Variants in TPCN2 observed in about 807,000 individuals in gnomAD.
TPCN2 encodes the protein two pore segment channel 2.
TPCN2 carries 92 observed loss-of-function variants against 111.4 expected under a neutral mutation model. The observed-to-expected ratio is 0.83, with a 90% CI of 0.70 to 0.98. The LOEUF is 0.98. TPCN2 is among the 50% of genes least tolerant of loss of function. The pLI, the probability that TPCN2 is intolerant of heterozygous loss-of-function variation, is 0.00. For synonymous variants in TPCN2, 405 were observed against 414.5 expected (o/e 0.98, Z 0.28); for missense variants, 995 against 980.1 (o/e 1.02, Z -0.20).
intron 5 of TPCN2, among the ~76,000 whole-genome samples, chr11:69,062,170 C>T (rs11228469): frequency 0.42 from 64,012 of 151,734 alleles, 14,442 homozygotes; most frequent in Non-Finnish European, 0.52. Context: ...CTTTTAAAAA[C>T]CAGATCTCTC....
intron 4 of TPCN2, 34 bp downstream of exon 4, chr11:69,055,386 C>A: frequency 6.4e-7 from 1 of 1,557,720 alleles, no homozygotes; most frequent in Non-Finnish European, 8.6e-7. Flanking sequence ...ACGTGCTGCC[C>A]CGGCCTCCCA....
intron 5 of TPCN2, among the ~76,000 whole-genome samples, chr11:69,058,557 A>G (rs1023807807): frequency 5.9e-5 from 9 of 152,360 alleles, no homozygotes; most frequent in African/African-American, 1.9e-4. Flanking sequence ...TGCAGCTGAT[A>G]GGAACAGCCT....
In TPCN2 at chr11:69,049,117, C is replaced by T. The variant is rs1313189633; in HGVS notation, c.109+11C>T. On this transcript the variant is annotated intron_variant, in intron 1 of 24. Transcript: ENST00000294309. ...TCCAAGTCGGCCCTGGTGAGCCGCC[C>T]GGACCTGGGGAGGGGACTGGCCCGG... 7.3e-6 allele frequency: 9 copies of T among 1,237,260 alleles called. No individual in the cohort carries two copies. Among genetic ancestry groups the T allele is most frequent in the Non-Finnish European group, 9.1e-6 (9 of 984,326 alleles). 76.6% of individuals were successfully genotyped at this position (1,237,260 alleles called of 1,614,324 possible). A position where few individuals can be genotyped will look rare whatever the true frequency, so the allele number is the denominator to read the frequency against.
chr11:69,063,126 G>A (rs776097916), intron 6 of TPCN2, 136 bp downstream of exon 6: 5 of 753,524 alleles, frequency 6.6e-6, no homozygotes, highest in Non-Finnish European at 8.8e-6. Flanking sequence ...TGGTGACGGT[G>A]TGGGGAGGCT....
At chr11:69,079,711 G>A in intron 16 of TPCN2, 123 bp from the exon 17 acceptor site, 2 of 881,770 alleles carry the variant, frequency 2.3e-6, no homozygotes, top group Non-Finnish European at 3.5e-6. Flanking sequence ...ACCAAGCTCT[G>A]ATTTCTCCCC....
At position 69,063,957 on chromosome 11, in the gene TPCN2, C is replaced by G; in HGVS notation, c.716C>G (p.Ala239Gly). 1.2e-6 allele frequency: 2 copies of G among 1,614,094 alleles called. No individual in the cohort carries two copies. Among genetic ancestry groups the G allele is most frequent in the African/African-American group, 1.3e-5 (1 of 75,036 alleles). ...ACCATGTTCGGAATGCTGCTGTTCG[C>G]TGGTGGGAAGGTAGGGCACCCGTGG... ...LFTMFGMLLF[A>G]GGKQDDGQDR... The change falls in exon 7 of 25, where the codon GCT (alanine) becomes GGT (glycine). Residue 239 changes from alanine (A) to glycine (G), a missense_variant. Coordinates refer to ENST00000294309, the MANE Select transcript of TPCN2 (RefSeq NM_139075.4).
chr11:69,055,172 C>T lies in TPCN2; in HGVS notation c.252-3C>T, dbSNP rs991927040. The T allele has an allele frequency of 6.2e-7, 1 of 1,613,712 alleles. No individual in the cohort carries two copies. Among genetic ancestry groups the T allele is most frequent in the Non-Finnish European group, 8.5e-7 (1 of 1,179,824 alleles). ...TGTTTTCATGTTTCTGTCCCCTTTC[C>T]AGGACTTTGAGCTTCACCATCTTCT... On this transcript the variant is annotated splice_polypyrimidine_tract_variant and splice_region_variant and intron_variant, in intron 3 of 24. Transcript: ENST00000294309.
chr11:69,062,586 CAG>C lies in TPCN2; in HGVS notation c.547-297_547-296del, dbSNP rs575582890. On this transcript the variant is annotated intron_variant, in intron 5 of 24. Coordinates refer to ENST00000294309, the MANE Select transcript of TPCN2 (RefSeq NM_139075.4). ...CTTCCAGCTGTGTCCTGGGTGGGCACAGGGGAGGATGGCCTGGGACAGGGACA... is the reference window on the plus strand; with the variant it reads ...CTTCCAGCTGTGTCCTGGGTGGGCACGGGAGGATGGCCTGGGACAGGGACA... Among the ~76,000 whole-genome samples the C allele has an allele frequency of 5.2e-3, 741 of 142,722 alleles. 8 individuals are homozygous for C. The highest frequency in any genetic ancestry group is 0.018 in the African/African-American group (697 of 38,680). The allele number at this position is 142,722 out of a possible 152,430, so 93.6% of individuals were successfully genotyped here. A position where few individuals can be genotyped will look rare whatever the true frequency, so the allele number is the denominator to read the frequency against.
intron 13 of TPCN2, among the ~76,000 whole-genome samples, chr11:69,077,146 C>T (rs1273778066): frequency 7.4e-5 from 10 of 135,490 alleles, no homozygotes; most frequent in East Asian, 2.5e-4. Flanking sequence ...ACCTGCCCTC[C>T]TGCCGTGTCC....
chr11:69,072,813 C>T, intron 12 of TPCN2, 102 bp from the exon 13 acceptor site: 2 of 1,526,542 alleles, frequency 1.3e-6, no homozygotes, highest in South Asian at 1.1e-5. Context: ...TCACCTGCAG[C>T]ATTCACAGCC....
At chr11:69,069,918 A>C (rs1855444521) in intron 8 of TPCN2, among the ~76,000 whole-genome samples, 2 of 152,058 alleles carry the variant, frequency 1.3e-5, no homozygotes, top group Non-Finnish European at 2.9e-5. Context: ...CCCGTCCTGG[A>C]GGGTGTGCGA....
chr11:69,082,295 C>T (rs1460607868), intron 18 of TPCN2, among the ~76,000 whole-genome samples: 4 of 152,244 alleles, frequency 2.6e-5, no homozygotes, highest in African/African-American at 9.6e-5. Flanking sequence ...TGATCTCACA[C>T]ACAACCACAC....
intron 12 of TPCN2, 57 bp downstream of exon 12, chr11:69,072,765 C>T: frequency 6.3e-7 from 1 of 1,598,322 alleles, no homozygotes; most frequent in South Asian, 1.1e-5. Context: ...TCACTTGGGC[C>T]AGCAGCCCCT....
intron 13 of TPCN2, among the ~76,000 whole-genome samples, chr11:69,077,251 ACGTCCCTC>A (rs1855825752): frequency 2.2e-4 from 7 of 32,522 alleles, no homozygotes; most frequent in South Asian, 1.0e-3. Context: ...CCCTCCTGCC[ACGTCCCTC>A]CACCTGCCCT....
At chr11:69,052,550 A>G (rs920914935) in intron 1 of TPCN2, among the ~76,000 whole-genome samples, 5 of 152,096 alleles carry the variant, frequency 3.3e-5, no homozygotes, top group African/African-American at 1.2e-4. Context: ...CACCAAAGCC[A>G]CAGGGAGGGA....
chr11:69,076,474 G>A (rs954434317), intron 13 of TPCN2, among the ~76,000 whole-genome samples: 1 of 152,032 alleles, frequency 6.6e-6, no homozygotes, highest in Middle Eastern at 3.2e-3. Context: ...CGGACAGAGC[G>A]TGTCCAGATG....
At chr11:69,076,146 C>T (rs185586785) in intron 13 of TPCN2, among the ~76,000 whole-genome samples, 1 of 152,106 alleles carries the variant, frequency 6.6e-6, no homozygotes, top group African/African-American at 2.4e-5. Flanking sequence ...GAAGGATGGA[C>T]CTGGAAGGGG....
chr11:69,072,226 G>A (rs1565088894), intron 11 of TPCN2, among the ~76,000 whole-genome samples: 2 of 151,766 alleles, frequency 1.3e-5, no homozygotes, highest in Admixed American at 6.5e-5. Flanking sequence ...TTGTCTTCGT[G>A]CCCCCCGGGG....
chr11:69,070,691 C>G (rs1855485406), intron 9 of TPCN2, among the ~76,000 whole-genome samples, 196 bp downstream of exon 9: 1 of 147,622 alleles, frequency 6.8e-6, no homozygotes, highest in African/African-American at 2.5e-5. Flanking sequence ...ATCCCCCACC[C>G]CACGGCTTCA....
Sources: allele counts gnomAD v4.1 joint callset (sites outside exome capture counted in the v4.1 genomes callset), GRCh38; gene constraint gnomAD v4.1.1; transcripts MANE v1.5; gene names NCBI Gene and HGNC (gene_info 2026-07-23, HGNC 2026-07-21).